The following TSPAN31 variants were observed in gnomAD, a reference collection of about 807,000 sequenced individuals.
The protein encoded by TSPAN31 is tetraspanin 31, also known as tetraspanin-31.
A neutral mutation model predicts 24.8 loss-of-function variants in TSPAN31; 16 were observed. That is an observed-to-expected ratio of 0.64 (90% confidence interval 0.44 to 0.98). The LOEUF is 0.98. Among genes scored for constraint, TSPAN31 ranks in the 50% least tolerant of loss-of-function variants. The pLI is 0.00. For synonymous variants in TSPAN31, 87 were observed against 91.4 expected (o/e 0.95, Z 0.27); for missense variants, 209 against 251.6 (o/e 0.83, Z 1.15).
In TSPAN31 at chr12:57,745,905, T is replaced by A; in HGVS notation, c.224T>A (p.Leu75Gln). ...GCTGTCAACCACCACCAAGTCCTGC[T>A]GTTCTTTGTATCCTGACCTGAAGTG... ...VGAVNHHQVL[L>Q]FFYMIILGLV... is the part of the protein sequence containing the mutation. Residue 75 changes from leucine (L) to glutamine (Q), a missense_variant, in exon 2 of 6, where the codon CTG becomes CAG. By Grantham distance (113) the Leu-to-Gln change is moderately radical. Coordinates refer to ENST00000257910, the MANE Select transcript of TSPAN31 (RefSeq NM_005981.5). 2 of 1,603,918 alleles carry A rather than the reference T, an allele frequency of 1.2e-6. No individual in the cohort carries two copies. Among genetic ancestry groups the A allele is most frequent in the Non-Finnish European group, 1.7e-6 (2 of 1,175,550 alleles).
chr12:57,749,958 C>T lies in TSPAN31; in HGVS notation c.*2668C>T. 1 of 201,434 alleles carries T rather than the reference C, an allele frequency of 5.0e-6. No individual in the cohort carries two copies. 12.5% of individuals were successfully genotyped at this position (201,434 alleles called of 1,614,324 possible). On this transcript the variant is annotated 3_prime_UTR_variant, in exon 6 of 6. Transcript: ENST00000257910. ...GTTGCAGTGAGCAGAGATCGCACTA[C>T]TGCACTCCAGCCTGGCGACAGAGCA...
At chr12:57,745,546 C>T in intron 1 of TSPAN31, 199 bp from the exon 2 acceptor site, 2 of 655,798 alleles carry the variant, frequency 3.0e-6, no homozygotes, top group Non-Finnish European at 5.2e-6. Flanking sequence ...TCCCTGCCAC[C>T]CCCTCCCCGC....
chr12:57,748,149 G>A lies in TSPAN31; in HGVS notation c.*859G>A. The stretch of plus-strand genomic sequence containing the variant: ...TAATTTAACCAGTCTTTAAGGTTTT[G>A]CAGGAAAGTCCCTTCTTCCAAGTGG... On this transcript the variant is annotated 3_prime_UTR_variant, in exon 6 of 6. Coordinates refer to ENST00000257910, the MANE Select transcript of TSPAN31 (RefSeq NM_005981.5). The A allele has an allele frequency of 2.9e-6, 1 of 347,422 alleles. No individual in the cohort carries two copies. The highest frequency in any genetic ancestry group is 3.8e-5 in the South Asian group (1 of 26,112). The allele number at this position is 347,422 out of a possible 1,614,324, so 21.5% of individuals were successfully genotyped here.
rs1955187042 is a variant in TSPAN31 at position 57,748,558 on chromosome 12, A to G, written c.*1268A>G. ...GATTACCTTCATCCTTATGTAGATA[A>G]GAGTGCTGCAGAGCTCGAAAGGCAG... On this transcript the variant is annotated 3_prime_UTR_variant, in exon 6 of 6. Transcript: ENST00000257910. 2 of 1,613,734 alleles carry G rather than the reference A, an allele frequency of 1.2e-6. No individual in the cohort carries two copies. Among genetic ancestry groups the G allele is most frequent in the East Asian group, 2.2e-5 (1 of 44,902 alleles).
In TSPAN31 at chr12:57,748,270, A is replaced by G; in HGVS notation, c.*980A>G. The stretch of plus-strand genomic sequence containing the variant: ...TTCTTTGTTTTGTTTTTCCTGTATA[A>G]AAAAGGACCCCAAATATAAAGGTAG... On this transcript the variant is annotated 3_prime_UTR_variant, in exon 6 of 6. Transcript: ENST00000257910. 1 of 436,614 alleles carries G rather than the reference A, an allele frequency of 2.3e-6. No individual in the cohort carries two copies. Among genetic ancestry groups the G allele is most frequent in the Non-Finnish European group, 4.2e-6 (1 of 237,994 alleles). The allele number at this position is 436,614 out of a possible 1,614,324, so 27.0% of individuals were successfully genotyped here.
chr12:57,746,899 AT>A, intron 4 of TSPAN31, 118 bp from the exon 5 acceptor site: 3 of 1,349,266 alleles, frequency 2.2e-6, no homozygotes, highest in Admixed American at 3.7e-5. Context: ...GCCAAGTAGG[AT>A]TTTAGTTTGT....
Position 57,745,228 on chromosome 12 carries a change from G to A in TSPAN31, c.63+11G>A. The A allele has an allele frequency of 6.2e-7, 1 of 1,609,252 alleles. No individual in the cohort carries two copies. The highest frequency in any genetic ancestry group is 1.3e-5 in the African/African-American group (1 of 74,984). On this transcript the variant is annotated intron_variant, in intron 1 of 5. Transcript: ENST00000257910. ...AACGTGGTCTACATGGTGAGGTTTT[G>A]GAGGTGGGGGAAGCTTCAAGGCGGA...
intron 3 of TSPAN31, 150 bp from the exon 4 acceptor site, chr12:57,746,439 A>G (rs1427687766): frequency 8.4e-7 from 1 of 1,191,098 alleles, no homozygotes; most frequent in East Asian, 2.4e-5. Flanking sequence ...GATCTAGAGA[A>G]CCTCAAAAGG....
chr12:57,748,299 A>G lies in TSPAN31; in HGVS notation c.*1009A>G. The G allele has an allele frequency of 2.0e-6, 1 of 505,934 alleles. No homozygotes were observed. Among genetic ancestry groups the G allele is most frequent in the Non-Finnish European group, 3.6e-6 (1 of 278,558 alleles). 31.3% of individuals were successfully genotyped at this position (505,934 alleles called of 1,614,324 possible). On this transcript the variant is annotated 3_prime_UTR_variant, in exon 6 of 6. Transcript: ENST00000257910. The stretch of plus-strand genomic sequence containing the variant: ...AGGACCCCAAATATAAAGGTAGGGA[A>G]AGGGACAAGAGGGAACATACCCCTT...
At chr12:57,746,513 G>T in intron 3 of TSPAN31, 76 bp from the exon 4 acceptor site, 1 of 1,571,350 alleles carries the variant, frequency 6.4e-7, no homozygotes. Flanking sequence ...TCCTTTGCTG[G>T]GCTAGGGAAA....
chr12:57,746,134 A>G (rs1955146797), intron 2 of TSPAN31, 42 bp from the exon 3 acceptor site: 1 of 1,561,784 alleles, frequency 6.4e-7, no homozygotes, highest in African/African-American at 1.4e-5. Context: ...TAGATGAAAC[A>G]TAAAGGAATC....
In TSPAN31 at chr12:57,745,917, C is replaced by T. The variant is rs762598688; in HGVS notation, c.231+5C>T. ...CACCAAGTCCTGCTGTTCTTTGTAT[C>T]CTGACCTGAAGTGATGGGGGCAACC... On this transcript the variant is annotated splice_donor_5th_base_variant and intron_variant, in intron 2 of 5. Transcript: ENST00000257910. 2 of 1,596,796 alleles carry T rather than the reference C, an allele frequency of 1.3e-6. No homozygotes were observed. Among genetic ancestry groups the T allele is most frequent in the African/African-American group, 1.3e-5 (1 of 74,110 alleles).
In TSPAN31 at chr12:57,749,138, C is replaced by T. The variant is rs767251242; in HGVS notation, c.*1848C>T. 1.2e-6 allele frequency: 2 copies of T among 1,613,172 alleles called. No homozygotes were observed. Among genetic ancestry groups the T allele is most frequent in the Admixed American group, 3.3e-5 (2 of 60,028 alleles). On this transcript the variant is annotated 3_prime_UTR_variant, in exon 6 of 6. Transcript: ENST00000257910. ...CCTGCATACTGCTCTATTTCTTTCC[C>T]CAGTCTCTATTTCTTTCCCTGTGCC...
At chr12:57,746,882 G>A in intron 4 of TSPAN31, 136 bp from the exon 5 acceptor site, 1 of 1,333,186 alleles carries the variant, frequency 7.5e-7, no homozygotes, top group Non-Finnish European at 1.0e-6. Flanking sequence ...TAGAGGCTGG[G>A]GAATTAGCCA....
intron 2 of TSPAN31, 65 bp downstream of exon 2, chr12:57,745,977 T>A (rs1347647923): frequency 6.5e-7 from 1 of 1,544,392 alleles, no homozygotes; most frequent in Non-Finnish European, 8.7e-7. Context: ...AAGGAAGATG[T>A]TAGAAGGGTA....
At chr12:57,746,771 A>G in intron 4 of TSPAN31, 51 bp downstream of exon 4, 1 of 1,611,502 alleles carries the variant, frequency 6.2e-7, no homozygotes. Flanking sequence ...GAAACTGGGT[A>G]AGGACAATGC....
At chr12:57,745,335 TC>T (rs1955134112) in intron 1 of TSPAN31, 118 bp downstream of exon 1, 5 of 1,168,546 alleles carry the variant, frequency 4.3e-6, no homozygotes, top group South Asian at 4.1e-5. Flanking sequence ...CCCAGGAACT[TC>T]CGGCGACGAG....
At chr12:57,746,538 C>T (rs1338240079) in intron 3 of TSPAN31, 51 bp from the exon 4 acceptor site, 1 of 1,611,240 alleles carries the variant, frequency 6.2e-7, no homozygotes, top group African/African-American at 1.3e-5. Context: ...GGCACTTGAA[C>T]TGATAACAGG....
rs143670820 is a variant in TSPAN31, at chr12:57,749,249, G to C, written c.*1959G>C. ...CGACTGCACTGGGCGGGGCCCTCTG[G>C]GGGGAAAGGCTCCACGGGGCAGGGA... On this transcript the variant is annotated 3_prime_UTR_variant, in exon 6 of 6. Coordinates refer to ENST00000257910, the MANE Select transcript of TSPAN31 (RefSeq NM_005981.5). 18 of 1,614,106 alleles carry C rather than the reference G, an allele frequency of 1.1e-5. No homozygotes were observed. In the Admixed American group the frequency reaches 2.2e-4, roughly 19 times the overall value.
Sources: gnomAD v4.1 joint callset for allele counts on GRCh38, gnomAD v4.1.1 for gene constraint, MANE v1.5 for transcripts, NCBI Gene and HGNC (gene_info 2026-07-23, HGNC 2026-07-21) for gene names.